MDN1: variants seen among roughly 807,000 people sequenced by gnomAD.
MDN1 encodes the protein midasin.
A neutral mutation model predicts 669.2 loss-of-function variants in MDN1; 266 were observed. The ratio of observed to expected loss-of-function variants is 0.40; its 90% CI spans 0.36 to 0.44. The LOEUF (loss-of-function observed/expected upper bound fraction) is 0.44. Ranked by LOEUF, MDN1 falls within the 20% of genes least tolerant of loss-of-function variation. MDN1 has a pLI of 1.00. For missense variants in MDN1, 5,940 were observed against 6,754.0 expected (o/e 0.88, Z 4.22); for synonymous variants, 2,385 against 2,457.1 (o/e 0.97, Z 0.87).
At chr6:89,762,592 A>C in intron 15 of MDN1, 62 bp from the exon 16 acceptor site, 1 of 1,287,832 alleles carries the variant, frequency 7.8e-7, no homozygotes. Flanking sequence ...GTTAGAAAGC[A>C]TGGCTCAGAA....
Position 89,690,770 on chromosome 6 carries a change from C to G in MDN1, c.10652G>C (p.Gly3551Ala), listed in dbSNP as rs147965534. Reference sequence around the variant, plus strand: ...GTTCCTGCTCCTGTATCTATACAGGCCGCTTTCCTGCTCAGCCTTCTCTTG... The same window carrying G: ...GTTCCTGCTCCTGTATCTATACAGGGCGCTTTCCTGCTCAGCCTTCTCTTG... ...IAQEKAEQES[G>A]LYRYRSRNSR... The change falls in exon 64 of 102, where the codon GGC becomes GCC. Residue 3551 changes from glycine to alanine, a missense_variant. This residue lies in a region of MDN1 where 2,280 missense variants were observed against 2,576.3 expected (regional missense o/e 0.88). Coordinates refer to ENST00000369393, the MANE Select transcript of MDN1 (RefSeq NM_014611.3). 2 of 1,614,050 alleles carry G rather than the reference C, an allele frequency of 1.2e-6. No individual in the cohort carries two copies. Among genetic ancestry groups the G allele is most frequent in the African/African-American group, 2.7e-5 (2 of 74,912 alleles).
At chr6:89,752,896 G>T (rs1817027414) in intron 22 of MDN1, among the ~76,000 whole-genome samples, 1 of 152,174 alleles carries the variant, frequency 6.6e-6, no homozygotes, top group East Asian at 1.9e-4. Flanking sequence ...AGGCCGAGGT[G>T]GACGGATCAT....
intron 38 of MDN1, among the ~76,000 whole-genome samples, chr6:89,724,067 C>T (rs1478658148): frequency 6.6e-6 from 1 of 151,780 alleles, no homozygotes; most frequent in Non-Finnish European, 1.5e-5. Context: ...TGCTTGCTCC[C>T]AGGAGGAGGA....
rs1470915754 is a variant in MDN1 at position 89,699,592 on chromosome 6, G to A, written c.8997+9C>T. On this transcript the variant is annotated intron_variant, in intron 58 of 101. Coordinates refer to ENST00000369393, the MANE Select transcript of MDN1 (RefSeq NM_014611.3). ...GTAAAGGAGGCTTATGTCTTATTGT[G>A]ATTTTTACCTTCTGATGATGCAGCA... 14 of 1,610,148 alleles carry A rather than the reference G, an allele frequency of 8.7e-6. No homozygotes were observed. Among genetic ancestry groups the A allele is most frequent in the East Asian group, 2.2e-5 (1 of 44,726 alleles).
chr6:89,784,650 G>T (rs573051806), intron 9 of MDN1, among the ~76,000 whole-genome samples: 2 of 152,338 alleles, frequency 1.3e-5, no homozygotes, highest in African/African-American at 4.8e-5. Context: ...TCCATTAAGT[G>T]TGAAAGACAT....
chr6:89,701,634 C>T lies in MDN1; in HGVS notation c.8351G>A (p.Cys2784Tyr). The T allele has an allele frequency of 6.2e-7, 1 of 1,614,112 alleles. No homozygotes were observed. Residue 2784 changes from cysteine to tyrosine, a missense_variant, in exon 55 of 102, where the codon TGT becomes TAT. Cys to Tyr is a radical substitution (Grantham distance 194, BLOSUM62 -2). Around this residue, in one of 5 missense-constraint regions of MDN1, gnomAD observed 2,292 missense variants for 2,638.3 expected, o/e 0.87. Transcript: ENST00000369393. ...GAAGCCACCAGTCTGGCTCCCCAGA[C>T]AATTCTGAATATGTTCTGAGACAGT... ...VQTVSEHIQN[C>Y]LGSQTGGFAG...
Position 89,655,948 on chromosome 6 carries a change from C to T in MDN1, c.15306G>A (p.Gly5102=), listed in dbSNP as rs1562040653. The change falls in exon 92 of 102, where the codon GGG becomes GGA. Residue 5102 remains glycine, a synonymous_variant. Coordinates refer to ENST00000369393, the MANE Select transcript of MDN1 (RefSeq NM_014611.3). ...CCATGGAACGTTCATTGTCAGCCTG[C>T]CCAGGTTTCCTCTTAAAACTCTGAG... ...KNTQSFKRKP[G]QADNERSMGD... is the part of the protein sequence containing the mutation. 1 of 1,613,782 alleles carries T rather than the reference C, an allele frequency of 6.2e-7. No individual in the cohort carries two copies. Among genetic ancestry groups the T allele is most frequent in the East Asian group, 2.2e-5 (1 of 44,882 alleles).
chr6:89,706,217 A>G, intron 52 of MDN1, 25 bp from the exon 53 acceptor site: 1 of 1,596,448 alleles, frequency 6.3e-7, no homozygotes, highest in South Asian at 1.1e-5. Context: ...AAATAAAATG[A>G]GAACATTTCA....
chr6:89,674,611 A>C, intron 78 of MDN1, 22 bp from the exon 79 acceptor site: 1 of 1,510,116 alleles, frequency 6.6e-7, no homozygotes, highest in Non-Finnish European at 8.8e-7. Flanking sequence ...AACCCATGGG[A>C]AAAACACAAT....
At chr6:89,706,014 G>C in intron 53 of MDN1, 45 bp downstream of exon 53, 1 of 1,502,664 alleles carries the variant, frequency 6.7e-7, no homozygotes, top group Non-Finnish European at 9.0e-7. Context: ...TGCCAAGAAA[G>C]ATAAATTTTG....
In MDN1 at chr6:89,685,827, C is replaced by G; in HGVS notation, c.11719G>C (p.Asp3907His). Residue 3907 changes from aspartate (D) to histidine (H), a missense_variant and splice_region_variant, in exon 70 of 102, where the codon GAT becomes CAT. By Grantham distance (81) the Asp-to-His change is moderately conservative (BLOSUM62 -1). Around this residue, in one of 5 missense-constraint regions of MDN1, gnomAD observed 2,280 missense variants for 2,576.3 expected, o/e 0.88. Transcript: ENST00000369393. ...AAGGAAAGGAAAAAAAAATCCTCACCCTTTCCTTCAACCTGTGGCATCAGC... is the reference window on the plus strand; with the variant it reads ...AAGGAAAGGAAAAAAAAATCCTCACGCTTTCCTTCAACCTGTGGCATCAGC... ...VLLMPQVEGK[D>H]SLCSVLWNLY... 1 of 1,611,916 alleles carries G rather than the reference C, an allele frequency of 6.2e-7. No individual in the cohort carries two copies. The highest frequency in any genetic ancestry group is 8.5e-7 in the Non-Finnish European group (1 of 1,179,614).
chr6:89,653,159 T>C lies in MDN1; in HGVS notation c.15662-4A>G, dbSNP rs1205350531. 4 of 1,606,336 alleles carry C rather than the reference T, an allele frequency of 2.5e-6. No homozygotes were observed. In the South Asian group the frequency reaches 3.4e-5, roughly 14 times the overall value. ...TCCACTTCCATCTCATCAAAGCCTA[T>C]TTTCATTTAAGGACATAATTTTACT... On this transcript the variant is annotated splice_region_variant and splice_polypyrimidine_tract_variant and intron_variant, in intron 93 of 101. Transcript: ENST00000369393.
intron 80 of MDN1, 122 bp from the exon 81 acceptor site, chr6:89,672,824 AG>A: frequency 9.1e-7 from 1 of 1,099,936 alleles, no homozygotes; most frequent in South Asian, 1.8e-5. Flanking sequence ...AAGCTGTGCC[AG>A]ATACAAAGAA....
chr6:89,781,367 G>GA (rs1180718952), intron 10 of MDN1, 32 bp downstream of exon 10: 16 of 1,596,048 alleles, frequency 1.0e-5, no homozygotes, highest in Middle Eastern at 1.7e-4. Context: ...AAAAAAGAAA[G>GA]AAAGAAAAGA....
In MDN1 at chr6:89,723,520, T is replaced by C. The variant is rs1397153019; in HGVS notation, c.5770A>G (p.Asn1924Asp). ...KNIVKKMVAF[N>D]NQIDHEVTVE... is the part of the protein sequence containing the mutation. Reference sequence around the variant, plus strand: ...TACGTGTAGGTACTTACTTGGTTATTGAAAGCAACCATTTTCTTAACAATA... The same window carrying C: ...TACGTGTAGGTACTTACTTGGTTATCGAAAGCAACCATTTTCTTAACAATA... Residue 1924 changes from asparagine to aspartate, a missense_variant, in exon 39 of 102, where the codon AAT becomes GAT. By Grantham distance (23) the Asn-to-Asp change is conservative. This residue lies in a region of MDN1 where 2,292 missense variants were observed against 2,638.3 expected (regional missense o/e 0.87). Transcript: ENST00000369393. The C allele has an allele frequency of 1.9e-6, 3 of 1,560,034 alleles. No homozygotes were observed. Among genetic ancestry groups the C allele is most frequent in the African/African-American group, 2.7e-5 (2 of 73,232 alleles).
chr6:89,682,983 G>A lies in MDN1; in HGVS notation c.12102+149C>T, dbSNP rs1286679300. ...AAGATTTTTTGCCTTATTCTGCAGG[G>A]AAGTCAGGCAAATACATGCTATATA... On this transcript the variant is annotated intron_variant, in intron 73 of 101. Coordinates refer to ENST00000369393, the MANE Select transcript of MDN1 (RefSeq NM_014611.3). 6.6e-5 allele frequency: 52 copies of A among 783,344 alleles called. 1 individual carries two copies. The Admixed American group carries it at 1.6e-3, about 24-fold the overall frequency. 48.5% of individuals were successfully genotyped at this position (783,344 alleles called of 1,614,324 possible).
intron 101 of MDN1, 73 bp from the exon 102 acceptor site, chr6:89,644,266 C>T: frequency 7.7e-7 from 1 of 1,292,294 alleles, no homozygotes; most frequent in Non-Finnish European, 1.1e-6. Context: ...CTTCTGTGAT[C>T]TCTTTTGCTA....
chr6:89,688,694 T>C lies in MDN1; in HGVS notation c.11138A>G (p.Tyr3713Cys), dbSNP rs755342735. The C allele has an allele frequency of 1.6e-5, 26 of 1,614,022 alleles. No individual in the cohort carries two copies. The highest frequency in any genetic ancestry group is 6.7e-5 in the East Asian group (3 of 44,900). ...AACATTGGGATGCTGGTAGAAGTCA[T>C]AGGGCCCATCAGGTTTCACCATCAG... ...SDLMVKPDGPYDFYQHPNVPE... is the reference protein window; with the variant it reads ...SDLMVKPDGPCDFYQHPNVPE... The change falls in exon 66 of 102, where the codon TAT becomes TGT. Residue 3713 changes from tyrosine to cysteine, a missense_variant. Transcript: ENST00000369393.
chr6:89,704,465 T>C (rs1813390316), intron 53 of MDN1, among the ~76,000 whole-genome samples: 1 of 152,258 alleles, frequency 6.6e-6, no homozygotes, highest in African/African-American at 2.4e-5. Context: ...CAAGTGTGAC[T>C]TTTTACTTAT....
Sources: gnomAD v4.1 joint callset for allele counts (sites outside exome capture counted in the v4.1 genomes callset) on GRCh38, gnomAD v4.1.1 for gene constraint, gnomAD v4.1.1 regional missense constraint, MANE v1.5 for transcripts, NCBI Gene and HGNC (gene_info 2026-07-23, HGNC 2026-07-21) for gene names.